ZNF816: variants seen among roughly 807,000 people sequenced by gnomAD.
ZNF816 encodes the protein zinc finger protein 816A.
A neutral mutation model predicts 8.3 loss-of-function variants in ZNF816; 11 were observed. That is an observed-to-expected ratio of 1.32 (90% CI 0.83 to 2.19). The LOEUF (loss-of-function observed/expected upper bound fraction) is 2.19. Among genes scored for constraint, ZNF816 ranks in the 30% most tolerant of loss-of-function variants. The probability of loss-of-function intolerance (pLI) is 0.00; values close to 1 mark genes in which losing one functional copy is unlikely to be tolerated. For missense variants in ZNF816, 710 were observed against 779.3 expected (o/e 0.91, Z 1.06); for synonymous variants, 255 against 254.5 (o/e 1.00, Z -0.02).
At chr19:52,955,357 A>G (rs1414434930) in intron 2 of ZNF816, among the ~76,000 whole-genome samples, 1 of 152,180 alleles carries the variant, frequency 6.6e-6, no homozygotes, top group Middle Eastern at 3.2e-3. Flanking sequence ...TTCTATTCTA[A>G]GACATTGAAA....
At chr19:52,956,217 C>A in intron 1 of ZNF816, 113 bp from the exon 2 acceptor site, 1 of 1,165,158 alleles carries the variant, frequency 8.6e-7, no homozygotes, top group South Asian at 1.6e-5. Flanking sequence ...TCCTTTGCTA[C>A]CCACTGCACC....
intron 1 of ZNF816, among the ~76,000 whole-genome samples, chr19:52,961,043 T>A (rs1183514889): frequency 6.6e-6 from 1 of 152,218 alleles, no homozygotes; most frequent in South Asian, 2.1e-4. Context: ...ATCAGGTCAC[T>A]GAGATAGGAC....
In ZNF816 at chr19:52,952,772, A is replaced by T; in HGVS notation, c.169T>A (p.Tyr57Asn). The T allele has an allele frequency of 6.2e-7, 1 of 1,614,050 alleles. No homozygotes were observed. Among genetic ancestry groups the T allele is most frequent in the South Asian group, 1.1e-5 (1 of 91,084 alleles). ...TCACCCACAAACTCCAGGTTCCTGT[A>T]GTTCTCCAACATCACAGCCCTGTAT... ...ALYRAVMLEN[Y>N]RNLEFVDSSL... The change falls in exon 3 of 4, where the codon TAC becomes AAC. Residue 57 changes from tyrosine to asparagine, a missense_variant. By Grantham distance (143) the Tyr-to-Asn change is moderately radical (BLOSUM62 -2). Coordinates refer to ENST00000444460, the MANE Select transcript of ZNF816 (RefSeq NM_001202457.3).
chr19:52,957,446 GC>G lies in ZNF816; in HGVS notation c.-15-1343del, dbSNP rs1402348158. 6.6e-6 allele frequency among the ~76,000 whole-genome samples: 1 copy of G among 152,126 alleles called. No homozygotes were observed. Among genetic ancestry groups the G allele is most frequent in the East Asian group, 1.9e-4 (1 of 5,184 alleles). ...GAAATAGGATATTAGAAGGACAAGT[GC>G]CCTCAGCTAAAAGGAAAACAAGGTG... On this transcript the variant is annotated intron_variant, in intron 1 of 3. Coordinates refer to ENST00000444460, the MANE Select transcript of ZNF816 (RefSeq NM_001202457.3). The surrounding 1 kb of genome is among the most constrained non-coding windows in gnomAD (Gnocchi z 4.6).
chr19:52,949,641 T>A lies in ZNF816; in HGVS notation c.*178A>T, dbSNP rs994392813. On this transcript the variant is annotated 3_prime_UTR_variant, in exon 4 of 4. Transcript: ENST00000444460. Reference sequence around the variant, plus strand: ...TAGGATGAAGCTTGACTGAAGACCTTGTCACAGTCATGATATTTGTAAGGT... The same window carrying A: ...TAGGATGAAGCTTGACTGAAGACCTAGTCACAGTCATGATATTTGTAAGGT... The A allele has an allele frequency of 5.6e-5, 56 of 1,005,590 alleles. No individual in the cohort carries two copies. The African/African-American group carries it at 8.3e-4, about 15-fold the overall frequency. 62.3% of individuals were successfully genotyped at this position (1,005,590 alleles called of 1,614,324 possible). A position where few individuals can be genotyped will look rare whatever the true frequency, so the allele number is the denominator to read the frequency against.
chr19:52,955,845 A>C (rs1050117319), intron 2 of ZNF816, among the ~76,000 whole-genome samples, 182 bp downstream of exon 2: 8 of 152,146 alleles, frequency 5.3e-5, no homozygotes, highest in Admixed American at 6.5e-5. Context: ...TCCCAAGCTC[A>C]TGTCACTAGG....
chr19:52,952,822 C>T lies in ZNF816; in HGVS notation c.119G>A (p.Cys40Tyr). The change falls in exon 3 of 4, where the codon TGC becomes TAC. Residue 40 changes from cysteine to tyrosine, a missense_variant. Coordinates refer to ENST00000444460, the MANE Select transcript of ZNF816 (RefSeq NM_001202457.3). Reference sequence around the variant, plus strand: ...TAAAGCCCTCTGTGCAGGGTTCAGGCATTTCCACTCCTCCAAAGAGAACTC... The same window carrying T: ...TAAAGCCCTCTGTGCAGGGTTCAGGTATTTCCACTCCTCCAAAGAGAACTC... ...AIEFSLEEWK[C>Y]LNPAQRALYR... The T allele has an allele frequency of 6.2e-7, 1 of 1,613,684 alleles. No individual in the cohort carries two copies. Among genetic ancestry groups the T allele is most frequent in the Non-Finnish European group, 8.5e-7 (1 of 1,179,888 alleles).
Position 52,951,462 on chromosome 19 carries a change from C to T in ZNF816, c.313G>A (p.Glu105Lys). ...AAGTGATGAATATCTTTCTTCATTT[C>T]TGGGAAGCAAAAATCTCCAATGTGA... ...SHHIGDFCFP[E>K]MKKDIHHFEF... Residue 105 changes from glutamate (E) to lysine (K), a missense_variant, in exon 4 of 4, where the codon GAA becomes AAA. By Grantham distance (56) the Glu-to-Lys change is moderately conservative (BLOSUM62 1). Coordinates refer to ENST00000444460, the MANE Select transcript of ZNF816 (RefSeq NM_001202457.3). 1 of 1,614,002 alleles carries T rather than the reference C, an allele frequency of 6.2e-7. No homozygotes were observed. The highest frequency in any genetic ancestry group is 8.5e-7 in the Non-Finnish European group (1 of 1,179,918).
At chr19:52,959,509 G>A (rs775827123) in intron 1 of ZNF816, among the ~76,000 whole-genome samples, 3 of 152,128 alleles carry the variant, frequency 2.0e-5, no homozygotes, top group Admixed American at 6.5e-5. Context: ...CAGGATATGC[G>A]GTAGTAACCC....
At chr19:52,961,962 T>C (rs2083560886) in intron 1 of ZNF816, among the ~76,000 whole-genome samples, 1 of 152,138 alleles carries the variant, frequency 6.6e-6, no homozygotes. Context: ...CAATACTATG[T>C]AGCTAAGGAA....
chr19:52,952,647 TCAAAAG>T, intron 3 of ZNF816, 98 bp downstream of exon 3: 1 of 1,580,828 alleles, frequency 6.3e-7, no homozygotes, highest in Admixed American at 1.8e-5. Flanking sequence ...GACATGTACA[TCAAAAG>T]CATGTATGGG....
intron 1 of ZNF816, among the ~76,000 whole-genome samples, chr19:52,958,114 C>T (rs767876502): frequency 2.6e-5 from 4 of 152,156 alleles, no homozygotes; most frequent in Non-Finnish European, 5.9e-5. Context: ...GTATCCAGGT[C>T]CATCTCAAGA....
rs185996096 is a variant in ZNF816, at chr19:52,959,295, A to G, written c.-15-3191T>C. 1.1e-3 allele frequency among the ~76,000 whole-genome samples: 172 copies of G among 152,372 alleles called. 1 individual carries two copies. Among genetic ancestry groups the G allele is most frequent in the Middle Eastern group, 0.01 (3 of 294 alleles). ...CAAAGCTTGCTCTGTGAAAATCCCC[A>G]CATAACCATTGAAGTTTGTAACACC... On this transcript the variant is annotated intron_variant, in intron 1 of 3. Coordinates refer to ENST00000444460, the MANE Select transcript of ZNF816 (RefSeq NM_001202457.3).
Position 52,950,287 on chromosome 19 carries a change from A to G in ZNF816, c.1488T>C (p.Leu496=). ...CGKVFSRREN[L]ARHHRLHAGE... The stretch of plus-strand genomic sequence containing the variant: ...CAGCATGAAGTCTATGATGACGTGC[A>G]AGGTTTTCTCTTCGACTAAAAACCT... Residue 496 remains leucine, a synonymous_variant, in exon 4 of 4, where the codon CTT becomes CTC. Transcript: ENST00000444460. The G allele has an allele frequency of 6.2e-7, 1 of 1,613,586 alleles. No homozygotes were observed. The highest frequency in any genetic ancestry group is 8.5e-7 in the Non-Finnish European group (1 of 1,179,868).
intron 3 of ZNF816, chr19:52,951,811 T>C (rs977798424): frequency 8.1e-6 from 4 of 494,912 alleles, no homozygotes; most frequent in African/African-American, 6.0e-5. Context: ...GGCAGCAGAA[T>C]TGCTTGAAGC....
intron 1 of ZNF816, chr19:52,956,336 C>T: frequency 2.2e-6 from 1 of 445,764 alleles, no homozygotes; most frequent in Admixed American, 3.8e-5. Context: ...CACGCTGCAG[C>T]AGGACACAGA....
chr19:52,954,773 A>G (rs1376271399), intron 2 of ZNF816, among the ~76,000 whole-genome samples: 3 of 147,964 alleles, frequency 2.0e-5, no homozygotes, highest in Admixed American at 6.9e-5. Context: ...GCAATGTGCC[A>G]CTACACTCCA....
In ZNF816 at chr19:52,951,116, T is replaced by G; in HGVS notation, c.659A>C (p.Gln220Pro). The G allele has an allele frequency of 6.2e-7, 1 of 1,614,008 alleles. No homozygotes were observed. Among genetic ancestry groups the G allele is most frequent in the Non-Finnish European group, 8.5e-7 (1 of 1,179,976 alleles). The stretch of plus-strand genomic sequence containing the variant: ...AGGTTTTTCTCTCATGCATATTTCC[T>G]GTATTTGTGTGAATGAAGAATGGAG... The part of the protein sequence containing the change: ...NFLHSSFTQI[Q>P]EICMREKPCQ... Residue 220 changes from glutamine (Q) to proline (P), a missense_variant, in exon 4 of 4, where the codon CAG becomes CCG. Physicochemically the swap from Gln to Pro is moderately conservative, Grantham distance 76 (BLOSUM62 -1). Coordinates refer to ENST00000444460, the MANE Select transcript of ZNF816 (RefSeq NM_001202457.3).
At chr19:52,956,698 T>C (rs1299016806) in intron 1 of ZNF816, among the ~76,000 whole-genome samples, 1 of 152,158 alleles carries the variant, frequency 6.6e-6, no homozygotes, top group Non-Finnish European at 1.5e-5. Context: ...CACGCAGCTG[T>C]GGTCCCAGCT....
Sources: allele counts gnomAD v4.1 joint callset (sites outside exome capture counted in the v4.1 genomes callset), GRCh38; gene constraint gnomAD v4.1.1; non-coding constraint Gnocchi (gnomAD v3.1); transcripts MANE v1.5; gene names NCBI Gene and HGNC (gene_info 2026-07-23, HGNC 2026-07-21).